The following KLF13 variants were observed in gnomAD, a reference collection of about 807,000 sequenced individuals.
KLF13 encodes Krueppel-like factor 13.
A neutral mutation model predicts 16.7 loss-of-function variants in KLF13; 8 were observed. That is an observed-to-expected ratio of 0.48 (90% confidence interval 0.28 to 0.87). The LOEUF is 0.87. Among genes scored for constraint, KLF13 ranks in the 40% least tolerant of loss-of-function variants. KLF13 has a pLI of 0.10. For missense variants in KLF13, 447 were observed against 452.2 expected, an observed-to-expected ratio of 0.99 and a Z score of 0.10; for synonymous variants, 245 against 208.4, an observed-to-expected ratio of 1.18 and a Z score of -1.51.
chr15:31,345,912 C>G (rs2039108163), intron 1 of KLF13, among the ~76,000 whole-genome samples: 2 of 152,186 alleles, frequency 1.3e-5, no homozygotes, highest in Non-Finnish European at 2.9e-5. Context: ...CTGGTTGTCT[C>G]TGTTTCCCGG....
At chr15:31,328,427 C>T (rs1210561430) in intron 1 of KLF13, among the ~76,000 whole-genome samples, 1 of 151,990 alleles carries the variant, frequency 6.6e-6, no homozygotes, top group East Asian at 1.9e-4. Flanking sequence ...GGTCCCGGGT[C>T]CCGCTCCCCG....
intron 1 of KLF13, among the ~76,000 whole-genome samples, chr15:31,433,020 G>C (rs34959140): frequency 6.6e-6 from 1 of 152,144 alleles, no homozygotes; most frequent in African/African-American, 2.4e-5. Context: ...CTCCAGCCTG[G>C]GCGACAGAGC....
intron 1 of KLF13, among the ~76,000 whole-genome samples, chr15:31,356,721 G>A (rs549188222): frequency 3.3e-5 from 5 of 152,330 alleles, no homozygotes; most frequent in South Asian, 2.1e-4. Flanking sequence ...TGGTTTACTC[G>A]TGCGGTTTGG....
At chr15:31,371,627 C>T (rs2039555729) in intron 1 of KLF13, among the ~76,000 whole-genome samples, 1 of 152,238 alleles carries the variant, frequency 6.6e-6, no homozygotes, top group African/African-American at 2.4e-5. Flanking sequence ...GAAGCCAGGG[C>T]ATGGGCCTGC....
At chr15:31,391,215 G>A (rs971762107), upstream of KLF13, among the ~76,000 whole-genome samples, 1 of 95,844 alleles carries the variant, frequency 1.0e-5, no homozygotes, top group Non-Finnish European at 2.2e-5. Context: ...CCTGTGGGGG[G>A]GCTGGGTATA....
chr15:31,408,255 A>G (rs1379218701), downstream of KLF13, among the ~76,000 whole-genome samples: 1 of 152,236 alleles, frequency 6.6e-6, no homozygotes, highest in Non-Finnish European at 1.5e-5. Context: ...AATTTCACAT[A>G]TGAAGTTAAA....
At chr15:31,419,554 C>A (rs1000673840) in intron 1 of KLF13, among the ~76,000 whole-genome samples, 1 of 151,982 alleles carries the variant, frequency 6.6e-6, no homozygotes, top group African/African-American at 2.4e-5. Context: ...GTTCAATAGA[C>A]AACTTGATCA....
chr15:31,398,327 C>T (rs140995960), intron 2 of KLF13, among the ~76,000 whole-genome samples: 9 of 152,274 alleles, frequency 5.9e-5, no homozygotes, highest in African/African-American at 9.6e-5. Context: ...AGACCAGACA[C>T]GGCAGCACTG....
At position 31,375,909 on chromosome 15, in the gene KLF13, C is replaced by G. The variant is rs1395072140; in HGVS notation, c.*3610C>G. On this transcript the variant is annotated 3_prime_UTR_variant, in exon 2 of 2. Transcript: ENST00000307145. Reference sequence around the variant, plus strand: ...CCTCACTCCTAACCCTGACTTTATTCCCAGGCCCCACACCGAGGCAGGTGC... The same window carrying G: ...CCTCACTCCTAACCCTGACTTTATTGCCAGGCCCCACACCGAGGCAGGTGC... The G allele has an allele frequency of 2.6e-5, 4 of 152,270 alleles. No homozygotes were observed. Among genetic ancestry groups the G allele is most frequent in the African/African-American group, 7.2e-5 (3 of 41,440 alleles). 9.4% of individuals were successfully genotyped at this position (152,270 alleles called of 1,614,324 possible). A position where few individuals can be genotyped will look rare whatever the true frequency, so the allele number is the denominator to read the frequency against.
At chr15:31,410,582 A>AACACACACACACACAC (rs71110871) in intron 1 of KLF13, among the ~76,000 whole-genome samples, 7 of 146,950 alleles carry the variant, frequency 4.8e-5, no homozygotes, top group Admixed American at 4.7e-4. Flanking sequence ...AACACCAACC[A>AACACACACACACACAC]ACACACACAC....
chr15:31,407,584 A>G (rs1007260761), downstream of KLF13, among the ~76,000 whole-genome samples: 2 of 152,216 alleles, frequency 1.3e-5, no homozygotes, highest in Admixed American at 6.5e-5. Context: ...CCACCCATGA[A>G]CTCATTCTGG....
intron 1 of KLF13, among the ~76,000 whole-genome samples, chr15:31,430,366 C>G (rs190905963): frequency 6.6e-6 from 1 of 152,174 alleles, no homozygotes; most frequent in Admixed American, 6.5e-5. Context: ...TCACAGTACA[C>G]CAAGGATTGG....
chr15:31,368,533 A>G (rs1056990786), intron 1 of KLF13, among the ~76,000 whole-genome samples: 10 of 152,224 alleles, frequency 6.6e-5, no homozygotes, highest in Admixed American at 3.9e-4. Flanking sequence ...TCTTCTTGTT[A>G]TGGAAGAAAC....
chr15:31,433,090 T>C (rs750146431), intron 1 of KLF13, among the ~76,000 whole-genome samples: 1 of 152,332 alleles, frequency 6.6e-6, no homozygotes, highest in South Asian at 2.1e-4. Context: ...GAGCTTTTTT[T>C]CTGAGATACA....
chr15:31,378,922 A>G (rs1301479594), downstream of KLF13, among the ~76,000 whole-genome samples: 1 of 152,038 alleles, frequency 6.6e-6, no homozygotes, highest in Non-Finnish European at 1.5e-5. Context: ...GTTTCACCAT[A>G]TTGGCCAGGC....
chr15:31,401,453 G>T (rs1243516958), intron 2 of KLF13, among the ~76,000 whole-genome samples: 5 of 152,230 alleles, frequency 3.3e-5, no homozygotes, highest in African/African-American at 1.2e-4. Flanking sequence ...GGGTGAAGTG[G>T]GTAGTGGGCT....
chr15:31,359,909 G>A (rs1294348985), intron 1 of KLF13, among the ~76,000 whole-genome samples: 1 of 152,182 alleles, frequency 6.6e-6, no homozygotes, highest in African/African-American at 2.4e-5. Flanking sequence ...AAGGAGCGCT[G>A]AGCCCTCCAC....
At chr15:31,426,939 T>C (rs758475954) in intron 1 of KLF13, among the ~76,000 whole-genome samples, 3 of 152,220 alleles carry the variant, frequency 2.0e-5, no homozygotes, top group Non-Finnish European at 4.4e-5. Flanking sequence ...TCTCTTGCTC[T>C]TGGACATCAG....
chr15:31,372,109 A>G lies in KLF13; in HGVS notation c.677A>G (p.Lys226Arg). ...RHYRTHTGEK[K>R]FSCPICEKRF... Reference sequence around the variant, plus strand: ...TACCGCACACACACGGGCGAGAAGAAGTTCAGCTGCCCCATCTGCGAGAAG... The same window carrying G: ...TACCGCACACACACGGGCGAGAAGAGGTTCAGCTGCCCCATCTGCGAGAAG... Residue 226 changes from lysine (K) to arginine (R), a missense_variant, in exon 2 of 2, where the codon AAG (lysine) becomes AGG (arginine). Lys to Arg is a conservative substitution (Grantham distance 26). Coordinates refer to ENST00000307145, the MANE Select transcript of KLF13 (RefSeq NM_015995.4). 1 of 1,613,100 alleles carries G rather than the reference A, an allele frequency of 6.2e-7. No individual in the cohort carries two copies. Among genetic ancestry groups the G allele is most frequent in the East Asian group, 2.2e-5 (1 of 44,878 alleles).
Sources: gnomAD v4.1 joint callset for allele counts (sites outside exome capture counted in the v4.1 genomes callset) on GRCh38, gnomAD v4.1.1 for gene constraint, MANE v1.5 for transcripts, NCBI Gene and HGNC (gene_info 2026-07-23, HGNC 2026-07-21) for gene names.